ELF1: variants seen among roughly 807,000 people sequenced by gnomAD.
ELF1 encodes the protein E74 like ETS transcription factor 1.
ELF1 carries 24 observed loss-of-function variants against 59.9 expected under a neutral mutation model. That is an observed-to-expected ratio of 0.40 (90% CI 0.29 to 0.56). The LOEUF (loss-of-function observed/expected upper bound fraction) is 0.56. Among genes scored for constraint, ELF1 ranks in the 20% least tolerant of loss-of-function variants. The pLI is 0.44. For synonymous variants in ELF1, 248 were observed against 266.2 expected, an observed-to-expected ratio of 0.93 and a Z score of 0.67; for missense variants, 627 against 742.2, an observed-to-expected ratio of 0.84 and a Z score of 1.80.
At chr13:40,990,369 T>G (rs1260243129) in intron 1 of ELF1, among the ~76,000 whole-genome samples, 1 of 152,198 alleles carries the variant, frequency 6.6e-6, no homozygotes, top group Non-Finnish European at 1.5e-5. Flanking sequence ...AAAATTCACT[T>G]TCGCCTCTAT....
At chr13:40,967,130 T>TTC (rs1453771357) in intron 2 of ELF1, among the ~76,000 whole-genome samples, 1 of 152,244 alleles carries the variant, frequency 6.6e-6, no homozygotes, top group African/African-American at 2.4e-5. Flanking sequence ...CCTTATCCTA[T>TTC]GAAGACACTG....
chr13:40,953,477 AC>A (rs1460207575), intron 3 of ELF1, among the ~76,000 whole-genome samples: 1 of 152,210 alleles, frequency 6.6e-6, no homozygotes, highest in Non-Finnish European at 1.5e-5. Flanking sequence ...AAAACATAAG[AC>A]CATGTGAAGA....
intron 1 of ELF1, among the ~76,000 whole-genome samples, chr13:40,985,925 A>G (rs1014936275): frequency 1.6e-4 from 24 of 151,950 alleles, no homozygotes; most frequent in African/African-American, 4.8e-4. Context: ...AAGGAAAAAC[A>G]TAAGTGAAAC....
intron 2 of ELF1, among the ~76,000 whole-genome samples, chr13:40,971,059 G>C (rs1872519425): frequency 6.6e-6 from 1 of 151,984 alleles, no homozygotes; most frequent in Non-Finnish European, 1.5e-5. Flanking sequence ...CTGAACCCAA[G>C]CAATCTGACT....
intron 7 of ELF1, among the ~76,000 whole-genome samples, chr13:40,942,139 T>G (rs1343183734): frequency 6.6e-6 from 1 of 152,224 alleles, no homozygotes; most frequent in African/African-American, 2.4e-5. Context: ...GATTGACTTT[T>G]GTGTATAAAA....
At chr13:41,060,839 T>C (rs756345829) in exon 1 of ELF1, 10 of 280,568 alleles carry the variant, frequency 3.6e-5, no homozygotes, top group Non-Finnish European at 5.0e-5. Flanking sequence ...GTGACCCACC[T>C]GACAAGCATA....
intron 1 of ELF1, among the ~76,000 whole-genome samples, chr13:40,996,803 TC>T (rs1304096855): frequency 6.6e-6 from 1 of 151,490 alleles, no homozygotes; most frequent in Non-Finnish European, 1.5e-5. Flanking sequence ...AAACTATAGC[TC>T]CAACACAATC....
intron 1 of ELF1, among the ~76,000 whole-genome samples, chr13:41,059,563 A>G (rs2138445762): frequency 6.6e-6 from 1 of 152,380 alleles, no homozygotes; most frequent in Middle Eastern, 3.4e-3. Flanking sequence ...ATCTGCTTTC[A>G]GTAATGGCAC....
At chr13:40,991,897 T>C (rs148518169) in intron 1 of ELF1, among the ~76,000 whole-genome samples, 5 of 152,338 alleles carry the variant, frequency 3.3e-5, no homozygotes, top group African/African-American at 1.2e-4. Context: ...GAACTGCAAG[T>C]AGTGATTTGG....
intron 8 of ELF1, among the ~76,000 whole-genome samples, chr13:40,939,217 A>C (rs1869978754): frequency 6.6e-6 from 1 of 152,032 alleles, no homozygotes; most frequent in Non-Finnish European, 1.5e-5. Context: ...AGGAAGGCTG[A>C]GGTGAGAGGA....
At chr13:41,014,642 T>C (rs941529548) in intron 1 of ELF1, among the ~76,000 whole-genome samples, 3 of 152,158 alleles carry the variant, frequency 2.0e-5, no homozygotes, top group Admixed American at 1.3e-4. Flanking sequence ...GTCCTAATCA[T>C]TGGAGTTGAC....
rs9634656 is a variant in ELF1, at chr13:41,048,641, A to G, written c.-229+12197T>C. 2.7e-3 allele frequency among the ~76,000 whole-genome samples: 415 copies of G among 152,154 alleles called. 8 individuals are homozygous for G. In the East Asian group the frequency reaches 0.049, roughly 18 times the overall value. On this transcript the variant is annotated intron_variant, in intron 1 of 1. Transcript: ENST00000405737. ...GTTACCCCAGCTAGTCTAAAATTCT[A>G]GGCTCAAGCAATCCGCCCACCTCAG...
At chr13:41,019,682 A>G (rs745896891), upstream of ELF1, among the ~76,000 whole-genome samples, 1 of 151,256 alleles carries the variant, frequency 6.6e-6, no homozygotes, top group Non-Finnish European at 1.5e-5. Context: ...AGGGGATGGA[A>G]GGGAGATAGC....
intron 2 of ELF1, among the ~76,000 whole-genome samples, chr13:40,976,091 T>C (rs1016093932): frequency 2.0e-5 from 3 of 152,246 alleles, no homozygotes; most frequent in Non-Finnish European, 2.9e-5. Context: ...AAAAGTATGC[T>C]TTGTTCTAAA....
intron 8 of ELF1, among the ~76,000 whole-genome samples, chr13:40,936,895 G>T (rs1869821403): frequency 6.6e-6 from 1 of 152,000 alleles, no homozygotes; most frequent in Non-Finnish European, 1.5e-5. Flanking sequence ...GAAGGGAGCA[G>T]TGTGAGTGAG....
At chr13:41,026,103 C>T (rs1255168955) in intron 1 of ELF1, among the ~76,000 whole-genome samples, 2 of 152,100 alleles carry the variant, frequency 1.3e-5, no homozygotes, top group Non-Finnish European at 2.9e-5. Context: ...GCTTATTGGA[C>T]CTAATGAGCA....
At chr13:40,934,201 A>G (rs979437423) in intron 8 of ELF1, among the ~76,000 whole-genome samples, 173 bp from the exon 9 acceptor site, 8 of 152,176 alleles carry the variant, frequency 5.3e-5, no homozygotes, top group Non-Finnish European at 1.0e-4. Context: ...TAAACACTAC[A>G]TACAGAGATG....
intron 1 of ELF1, among the ~76,000 whole-genome samples, chr13:41,005,826 T>C (rs1350827339): frequency 2.7e-5 from 4 of 148,094 alleles, no homozygotes; most frequent in Non-Finnish European, 6.1e-5. Context: ...TAATAATCAA[T>C]CCTTAAGAAT....
At chr13:40,976,059 T>G (rs1342978754) in intron 2 of ELF1, among the ~76,000 whole-genome samples, 2 of 152,222 alleles carry the variant, frequency 1.3e-5, no homozygotes, top group South Asian at 2.1e-4. Context: ...TTGAAGGAAT[T>G]ATTTTAGGAT....
Sources: allele counts gnomAD v4.1 joint callset (sites outside exome capture counted in the v4.1 genomes callset), GRCh38; gene constraint gnomAD v4.1.1; transcripts MANE v1.5; gene names NCBI Gene and HGNC (gene_info 2026-07-23, HGNC 2026-07-21).